VPS13B: variants seen among roughly 807,000 people sequenced by gnomAD.
The protein encoded by VPS13B is intermembrane lipid transfer protein VPS13B.
Under a neutral mutation model 426.4 loss-of-function variants are expected in VPS13B, and 285 were observed. The observed-to-expected ratio is 0.67, with a 90% CI of 0.61 to 0.74. The LOEUF (loss-of-function observed/expected upper bound fraction) is 0.74, where lower values mean the gene tolerates loss of function less well. Ranked by LOEUF, VPS13B falls within the 30% of genes least tolerant of loss-of-function variation. The probability of loss-of-function intolerance (pLI) is 0.00; values close to 1 mark genes in which losing one functional copy is unlikely to be tolerated. For synonymous variants in VPS13B, 1,676 were observed against 1,676.4 expected (o/e 1.00, Z 0.01); for missense variants, 4,537 against 4,782.6 (o/e 0.95, Z 1.51).
At chr8:99,164,130 C>A (rs1811853428) in intron 15 of VPS13B, among the ~76,000 whole-genome samples, 1 of 152,084 alleles carries the variant, frequency 6.6e-6, no homozygotes, top group African/African-American at 2.4e-5. Flanking sequence ...TCCAGGGGTC[C>A]CGGGTAGAAG....
intron 8 of VPS13B, among the ~76,000 whole-genome samples, chr8:99,134,368 C>T (rs1319902025): frequency 6.6e-6 from 1 of 152,102 alleles, no homozygotes; most frequent in African/African-American, 2.4e-5. Context: ...ACTGTTATTG[C>T]ACACAGCTTT....
At chr8:99,667,522 G>A (rs563438019) in intron 35 of VPS13B, among the ~76,000 whole-genome samples, 1 of 152,200 alleles carries the variant, frequency 6.6e-6, no homozygotes, top group South Asian at 2.1e-4. Flanking sequence ...TTTGAGAGAA[G>A]ATTAGTTTAA....
intron 30 of VPS13B, among the ~76,000 whole-genome samples, chr8:99,543,773 A>C (rs949906245): frequency 6.6e-6 from 1 of 151,948 alleles, no homozygotes; most frequent in East Asian, 1.9e-4. Flanking sequence ...ATACCATCTC[A>C]CACTAGTTAG....
chr8:99,450,346 T>A (rs1818125597), intron 23 of VPS13B, among the ~76,000 whole-genome samples: 1 of 152,084 alleles, frequency 6.6e-6, no homozygotes, highest in South Asian at 2.1e-4. Flanking sequence ...GAAAACAACT[T>A]TGACTTTTAG....
chr8:99,817,955 T>TCCCCATC, intron 45 of VPS13B, 152 bp downstream of exon 45: 1 of 1,186,594 alleles, frequency 8.4e-7, no homozygotes, highest in South Asian at 1.4e-5. Context: ...AACTGTTTCC[T>TCCCCATC]CCCCATCCCA....
chr8:99,619,631 G>A (rs1250738675), intron 33 of VPS13B, among the ~76,000 whole-genome samples: 1 of 152,150 alleles, frequency 6.6e-6, no homozygotes, highest in Admixed American at 6.5e-5. Flanking sequence ...CAGTACTTTG[G>A]TAGGCCAAGA....
chr8:99,235,574 T>G (rs1162885563), intron 17 of VPS13B, among the ~76,000 whole-genome samples: 7 of 152,298 alleles, frequency 4.6e-5, no homozygotes, highest in Admixed American at 1.3e-4. Context: ...GCCTACATTT[T>G]TTTAGAGGCT....
chr8:99,873,878 C>T (rs1045999302), intron 61 of VPS13B, among the ~76,000 whole-genome samples: 8 of 152,138 alleles, frequency 5.3e-5, no homozygotes, highest in South Asian at 4.1e-4. Flanking sequence ...GCCTGTCTGC[C>T]GTGAACACTT....
intron 33 of VPS13B, among the ~76,000 whole-genome samples, chr8:99,612,177 G>A (rs1827871094): frequency 6.6e-6 from 1 of 152,106 alleles, no homozygotes; most frequent in African/African-American, 2.4e-5. Context: ...CCTAATCCTG[G>A]CTTTAGAGAC....
intron 25 of VPS13B, among the ~76,000 whole-genome samples, chr8:99,493,294 C>T (rs1479511689): frequency 6.6e-6 from 1 of 152,066 alleles, no homozygotes; most frequent in Non-Finnish European, 1.5e-5. Flanking sequence ...AGTTTATACT[C>T]TCTTTATAAA....
intron 33 of VPS13B, among the ~76,000 whole-genome samples, chr8:99,587,293 G>A (rs1826354889): frequency 6.6e-6 from 1 of 152,164 alleles, no homozygotes; most frequent in Non-Finnish European, 1.5e-5. Flanking sequence ...ATGTGTGCAT[G>A]TGTCTTTATA....
intron 17 of VPS13B, among the ~76,000 whole-genome samples, chr8:99,209,963 A>G (rs1814982408): frequency 1.3e-5 from 2 of 152,308 alleles, no homozygotes; most frequent in African/African-American, 2.4e-5. Context: ...AATAATACCC[A>G]TATGTGTCAC....
intron 31 of VPS13B, among the ~76,000 whole-genome samples, chr8:99,567,162 C>T (rs912272819): frequency 2.0e-5 from 3 of 152,192 alleles, no homozygotes; most frequent in Non-Finnish European, 4.4e-5. Flanking sequence ...ATGTTCTCTT[C>T]TCTGAGAAAC....
Position 99,391,663 on chromosome 8 carries a change from C to G in VPS13B, c.3041C>G (p.Ser1014Cys). ...PLAKQQSYQA[S>C]EYASSPVKTK... ...GCAAAGCAGCAATCATATCAGGCCT[C>G]TGAATATGCCAGCAGCCCTGTAAAA... is the stretch of plus-strand genomic sequence containing the variant. Residue 1014 changes from serine (S) to cysteine (C), a missense_variant, in exon 21 of 62, where the codon TCT becomes TGT. Physicochemically the swap from Ser to Cys is moderately radical, Grantham distance 112. Around this residue, in one of 2 missense-constraint regions of VPS13B, gnomAD observed 4,311 missense variants for 4,474.3 expected, o/e 0.96. Transcript: ENST00000357162. The G allele has an allele frequency of 6.2e-7, 1 of 1,614,152 alleles. No individual in the cohort carries two copies. The highest frequency in any genetic ancestry group is 1.1e-5 in the South Asian group (1 of 91,082).
chr8:99,221,818 C>T (rs1679451832), intron 17 of VPS13B, among the ~76,000 whole-genome samples: 1 of 152,188 alleles, frequency 6.6e-6, no homozygotes, highest in African/African-American at 2.4e-5. Flanking sequence ...AGGCCATGCT[C>T]CTGCCCCAGC....
At chr8:99,284,190 A>G (rs75500975) in intron 19 of VPS13B, among the ~76,000 whole-genome samples, 2,974 of 152,318 alleles carry the variant, frequency 0.02, 291 homozygotes, top group Admixed American at 0.15. Context: ...AAGCATATGT[A>G]TATGTTTAAA....
intron 33 of VPS13B, among the ~76,000 whole-genome samples, chr8:99,584,624 G>T (rs1386285288): frequency 6.6e-6 from 1 of 152,096 alleles, no homozygotes; most frequent in Non-Finnish European, 1.5e-5. Flanking sequence ...TGATAACTAA[G>T]AACTCAGAGC....
chr8:99,448,121 T>TTTTATTTATTTA lies in VPS13B; in HGVS notation c.3445+5517_3445+5528dup, dbSNP rs149574664. On this transcript the variant is annotated intron_variant, in intron 23 of 61. Coordinates refer to ENST00000357162, the MANE Select transcript of VPS13B (RefSeq NM_152564.5). ...CTATTATATTCTCAGGTGGTTTTATTTTTATTTATTTATTTATTTATTTAT... is the reference window on the plus strand; with the variant it reads ...CTATTATATTCTCAGGTGGTTTTATTTTTATTTATTTATTTATTTATTTATTTATTTATTTAT... Among the ~76,000 whole-genome samples the TTTTATTTATTTA allele has an allele frequency of 1.1e-3, 151 of 141,868 alleles. 1 individual carries two copies. Among genetic ancestry groups the TTTTATTTATTTA allele is most frequent in the African/African-American group, 2.6e-3 (101 of 39,208 alleles). 93.1% of individuals were successfully genotyped at this position (141,868 alleles called of 152,430 possible).
At chr8:99,161,732 CTTT>C (rs374438896) in intron 15 of VPS13B, among the ~76,000 whole-genome samples, 6 of 131,026 alleles carry the variant, frequency 4.6e-5, no homozygotes, top group Admixed American at 8.1e-5. Context: ...GTACTAAATC[CTTT>C]TTTTTTTTTT....
Sources: allele counts gnomAD v4.1 joint callset (sites outside exome capture counted in the v4.1 genomes callset), GRCh38; gene constraint gnomAD v4.1.1; regional missense constraint gnomAD v4.1.1; transcripts MANE v1.5; gene names NCBI Gene and HGNC (gene_info 2026-07-23, HGNC 2026-07-21).